The following CEMIP variants were observed in gnomAD, a reference collection of about 807,000 sequenced individuals.
The protein encoded by CEMIP is cell migration inducing hyaluronidase 1.
A neutral mutation model predicts 156.9 loss-of-function variants in CEMIP; 105 were observed. The observed-to-expected ratio is 0.67, with a 90% CI of 0.57 to 0.79. CEMIP has a LOEUF of 0.79. CEMIP is among the 30% of genes least tolerant of loss of function. The probability of loss-of-function intolerance (pLI) is 0.00; values close to 1 mark genes in which losing one functional copy is unlikely to be tolerated. For missense variants in CEMIP, 1,457 were observed against 1,769.4 expected, an observed-to-expected ratio of 0.82 and a Z score of 3.17; for synonymous variants, 676 against 668.4, an observed-to-expected ratio of 1.01 and a Z score of -0.17.
rs114299619 is a variant in CEMIP, at chr15:80,946,744, C to T, written c.3858-221C>T. On this transcript the variant is annotated intron_variant, in intron 28 of 29. Coordinates refer to ENST00000394685, the MANE Select transcript of CEMIP (RefSeq NM_001293298.2). The stretch of plus-strand genomic sequence containing the variant: ...GCTTGGAGAAGGCTGTGGGCACCAA[C>T]TGTGGCCAGATGTGTGGGAGGGAGC... The T allele has an allele frequency of 3.1e-3, 1,759 of 570,446 alleles. 22 individuals are homozygous for T. Among genetic ancestry groups the T allele is most frequent in the African/African-American group, 0.029 (1,559 of 54,054 alleles). 35.3% of individuals were successfully genotyped at this position (570,446 alleles called of 1,614,324 possible). A position where few individuals can be genotyped will look rare whatever the true frequency, so the allele number is the denominator to read the frequency against.
At chr15:80,795,788 G>A (rs1896208770) in intron 1 of CEMIP, among the ~76,000 whole-genome samples, 2 of 152,106 alleles carry the variant, frequency 1.3e-5, no homozygotes, top group Admixed American at 1.3e-4. Flanking sequence ...GGAATTGCCA[G>A]GTGCTGTGGC....
At chr15:80,929,513 A>T (rs1900824332) in intron 21 of CEMIP, among the ~76,000 whole-genome samples, 1 of 152,084 alleles carries the variant, frequency 6.6e-6, no homozygotes, top group Non-Finnish European at 1.5e-5. Flanking sequence ...TGTAGCATCC[A>T]CTCCTGAGGA....
chr15:80,834,843 G>GA (rs201675115), intron 1 of CEMIP, among the ~76,000 whole-genome samples: 8 of 150,108 alleles, frequency 5.3e-5, no homozygotes, highest in Non-Finnish European at 7.4e-5. Context: ...TATCAGTTTG[G>GA]AAAAAAAACC....
chr15:80,823,512 T>C (rs1896957307), intron 1 of CEMIP, among the ~76,000 whole-genome samples: 1 of 152,166 alleles, frequency 6.6e-6, no homozygotes, highest in African/African-American at 2.4e-5. Context: ...AGCTCAGCTT[T>C]CCAACAGGTC....
chr15:80,833,896 G>A (rs1195601400), intron 1 of CEMIP, among the ~76,000 whole-genome samples: 2 of 151,912 alleles, frequency 1.3e-5, no homozygotes, highest in East Asian at 1.9e-4. Flanking sequence ...TCTTGAACTC[G>A]TGTCCTCAAG....
Position 80,881,096 on chromosome 15 carries a change from G to T in CEMIP, c.577G>T (p.Val193Phe). ...GGGCCACCGTGGAGTTATTGTTCAT[G>T]TCATCGACCCCAAATCAGGCACAGT... ...SWGHRGVIVH[V>F]IDPKSGTVIH... The change falls in exon 6 of 30, where the codon GTC becomes TTC. Residue 193 changes from valine (V) to phenylalanine (F), a missense_variant. Coordinates refer to ENST00000394685, the MANE Select transcript of CEMIP (RefSeq NM_001293298.2). The T allele has an allele frequency of 2.5e-6, 4 of 1,614,198 alleles. No homozygotes were observed. Among genetic ancestry groups the T allele is most frequent in the Non-Finnish European group, 3.4e-6 (4 of 1,180,040 alleles).
chr15:80,927,711 C>G (rs999149415), intron 19 of CEMIP, among the ~76,000 whole-genome samples: 4 of 152,066 alleles, frequency 2.6e-5, no homozygotes, highest in Non-Finnish European at 4.4e-5. Context: ...TCGGGGCTGA[C>G]AGAAGACAGG....
intron 14 of CEMIP, 193 bp downstream of exon 14, chr15:80,909,499 C>T (rs1011900605): frequency 1.0e-5 from 7 of 680,328 alleles, no homozygotes; most frequent in African/African-American, 1.8e-5. Flanking sequence ...TTTGTCCTTA[C>T]CAAAGGTACC....
intron 1 of CEMIP, among the ~76,000 whole-genome samples, chr15:80,861,589 C>A (rs1308267634): frequency 6.6e-6 from 1 of 152,164 alleles, no homozygotes; most frequent in African/African-American, 2.4e-5. Flanking sequence ...CACTAAATAA[C>A]CTAGATGAGG....
chr15:80,834,575 A>G (rs1897229475), intron 1 of CEMIP, among the ~76,000 whole-genome samples: 1 of 152,250 alleles, frequency 6.6e-6, no homozygotes, highest in Admixed American at 6.5e-5. Context: ...GCTGTCATAA[A>G]TCAAATGTCT....
intron 14 of CEMIP, among the ~76,000 whole-genome samples, chr15:80,910,599 G>A (rs76814035): frequency 0.018 from 2,680 of 152,342 alleles, 82 homozygotes; most frequent in African/African-American, 0.062. Context: ...CTCCCACTGA[G>A]TAAAGAGAAG....
At chr15:80,796,716 C>T (rs1198240654) in intron 1 of CEMIP, among the ~76,000 whole-genome samples, 1 of 151,440 alleles carries the variant, frequency 6.6e-6, no homozygotes, top group Non-Finnish European at 1.5e-5. Context: ...TAATCAACCA[C>T]TCTACACCAG....
At chr15:80,874,483 A>G (rs1898404863) in intron 3 of CEMIP, among the ~76,000 whole-genome samples, 1 of 152,200 alleles carries the variant, frequency 6.6e-6, no homozygotes, top group Non-Finnish European at 1.5e-5. Flanking sequence ...AAAAAAAACA[A>G]AAACAAAAAA....
intron 1 of CEMIP, chr15:80,842,089 G>A (rs777477069): frequency 9.4e-6 from 5 of 530,130 alleles, no homozygotes; most frequent in South Asian, 5.7e-5. Context: ...AAGATGTGAT[G>A]CCAGGTTCTC....
rs545209645 is a variant in CEMIP, at chr15:80,784,930, G to A, written c.-176+5316G>A. Among the ~76,000 whole-genome samples the A allele has an allele frequency of 7.2e-5, 11 of 152,262 alleles. No homozygotes were observed. In the South Asian group the frequency reaches 1.5e-3, roughly 20 times the overall value. Reference sequence around the variant, plus strand: ...TAATTTAAGTCAGTTCCCGTTGTCCGAGTTGAGGAAGCCCAGCTGGTCTGT... The same window carrying A: ...TAATTTAAGTCAGTTCCCGTTGTCCAAGTTGAGGAAGCCCAGCTGGTCTGT... On this transcript the variant is annotated intron_variant, in intron 1 of 29. Transcript: ENST00000394685.
chr15:80,792,049 A>T (rs1347950209), intron 1 of CEMIP, among the ~76,000 whole-genome samples: 2 of 152,184 alleles, frequency 1.3e-5, no homozygotes, highest in Non-Finnish European at 2.9e-5. Context: ...GATTTTAGCA[A>T]AATAAACCCA....
rs200101133 is a variant in CEMIP, at chr15:80,915,844, GAC to G, written c.1798-4247_1798-4246del. Among the ~76,000 whole-genome samples the G allele has an allele frequency of 3.4e-3, 215 of 63,506 alleles. 4 individuals are homozygous for G. In the Middle Eastern group the frequency reaches 0.05, roughly 15 times the overall value. 41.7% of individuals were successfully genotyped at this position (63,506 alleles called of 152,430 possible). A position where few individuals can be genotyped will look rare whatever the true frequency, so the allele number is the denominator to read the frequency against. On this transcript the variant is annotated intron_variant, in intron 14 of 29. Coordinates refer to ENST00000394685, the MANE Select transcript of CEMIP (RefSeq NM_001293298.2). ...ATCTGCATATTCAAAAACTCATTAA[GAC>G]ACTCTGTAAAACAAATAACCCACCA...
chr15:80,900,648 G>GTGTGTGTGTGTGTAT (rs1567090991), intron 12 of CEMIP, among the ~76,000 whole-genome samples: 11 of 111,924 alleles, frequency 9.8e-5, no homozygotes, highest in African/African-American at 3.6e-4. Context: ...GTGTGTGTGT[G>GTGTGTGTGTGTGTAT]TCTGTGTGTG....
At chr15:80,870,932 G>C (rs1214050468) in intron 1 of CEMIP, among the ~76,000 whole-genome samples, 2 of 152,198 alleles carry the variant, frequency 1.3e-5, no homozygotes, top group Non-Finnish European at 2.9e-5. Flanking sequence ...CTCTAACCCA[G>C]TGAGGACAGC....
Sources: allele counts gnomAD v4.1 joint callset (sites outside exome capture counted in the v4.1 genomes callset), GRCh38; gene constraint gnomAD v4.1.1; transcripts MANE v1.5; gene names NCBI Gene and HGNC (gene_info 2026-07-23, HGNC 2026-07-21).